Variants in SULT1E1 observed in about 807,000 individuals in gnomAD.
The protein encoded by SULT1E1 is sulfotransferase family 1E member 1, also known as sulfotransferase 1E1.
A neutral mutation model predicts 33.6 loss-of-function variants in SULT1E1; 36 were observed. The observed-to-expected ratio is 1.07, with a 90% CI of 0.82 to 1.41. The LOEUF is 1.41. Ranked by LOEUF, SULT1E1 falls within the 40% of genes most tolerant of loss-of-function variation. The pLI is 0.00. For synonymous variants in SULT1E1, 121 were observed against 111.7 expected (o/e 1.08, Z -0.53); for missense variants, 371 against 345.7 (o/e 1.07, Z -0.58).
At chr4:69,833,259 T>C in the SULT1E1 span, among the ~76,000 whole-genome samples, 2 of 152,200 alleles carry the variant, frequency 1.3e-5, no homozygotes, top group African/African-American at 2.4e-5. Flanking sequence ...TGTAATAATA[T>C]GTAAAATACC....
In SULT1E1 at chr4:69,853,246, A is replaced by G. The variant is rs547123198; in HGVS notation, c.369+971T>C. On this transcript the variant is annotated intron_variant, in intron 4 of 7. Transcript: ENST00000226444. ...TGAAGAACAGAATTGGTGGTCTCAG[A>G]CTTCATGTTTTCTCTGTATTTTGAG... Among the ~76,000 whole-genome samples the G allele has an allele frequency of 2.2e-4, 33 of 152,222 alleles. 1 individual carries two copies. Among genetic ancestry groups the G allele is most frequent in the African/African-American group, 6.7e-4 (28 of 41,544 alleles).
chr4:69,853,360 G>A lies in SULT1E1; in HGVS notation c.369+857C>T, dbSNP rs145603388. Among the ~76,000 whole-genome samples the A allele has an allele frequency of 5.9e-5, 9 of 152,218 alleles. No homozygotes were observed. In the East Asian group the frequency reaches 1.4e-3, roughly 23 times the overall value. ...TATTACTCCTCATTACCATTAAAAT[G>A]TCAGAGTCCAAACATCTTAACTTGA... On this transcript the variant is annotated intron_variant, in intron 4 of 7. Coordinates refer to ENST00000226444, the MANE Select transcript of SULT1E1 (RefSeq NM_005420.3).
At chr4:69,846,305 C>CAAAAA (rs34408656) in intron 6 of SULT1E1, among the ~76,000 whole-genome samples, 33 of 106,830 alleles carry the variant, frequency 3.1e-4, no homozygotes, top group East Asian at 5.1e-4. Flanking sequence ...ACAAAACAAT[C>CAAAAA]AAAAAAAAAA....
At chr4:69,842,160 AG>A in intron 7 of SULT1E1, 54 bp from the exon 8 acceptor site, 1 of 1,037,694 alleles carries the variant, frequency 9.6e-7, no homozygotes, top group Non-Finnish European at 1.5e-6. Context: ...AAGAATCATT[AG>A]GTTTGCTAAT....
At chr4:69,824,538 C>T in the SULT1E1 span, among the ~76,000 whole-genome samples, 2 of 152,130 alleles carry the variant, frequency 1.3e-5, no homozygotes, top group African/African-American at 2.4e-5. Flanking sequence ...GGGATCCAGA[C>T]GCAGCAGAAC....
intron 3 of SULT1E1, 40 bp downstream of exon 3, chr4:69,855,261 A>G (rs1721211364): frequency 1.3e-6 from 2 of 1,589,496 alleles, no homozygotes. Context: ...CACACCTTAG[A>G]ATATATGCAA....
intron 3 of SULT1E1, among the ~76,000 whole-genome samples, chr4:69,854,713 C>A (rs1169955922): frequency 2.0e-5 from 3 of 151,792 alleles, no homozygotes; most frequent in African/African-American, 7.3e-5. Context: ...TGGCAAGCAA[C>A]CTTCTATACA....
chr4:69,853,495 G>T (rs1398766432), intron 4 of SULT1E1, among the ~76,000 whole-genome samples: 1 of 152,044 alleles, frequency 6.6e-6, no homozygotes, highest in Admixed American at 6.6e-5. Flanking sequence ...TGCCCCCTCA[G>T]ATCATCTCTG....
chr4:69,852,287 T>C (rs4149534), intron 4 of SULT1E1, among the ~76,000 whole-genome samples: 33,799 of 152,152 alleles, frequency 0.22, 4,590 homozygotes, highest in Non-Finnish European at 0.31. Flanking sequence ...TATCATTCTG[T>C]GTAATTTTAT....
intron 2 of SULT1E1, among the ~76,000 whole-genome samples, 170 bp from the exon 3 acceptor site, chr4:69,855,596 A>G (rs1374495573): frequency 1.3e-5 from 2 of 152,216 alleles, no homozygotes; most frequent in East Asian, 1.9e-4. Context: ...TATGTTTAGA[A>G]CACAAAAATA....
downstream of SULT1E1, among the ~76,000 whole-genome samples, chr4:69,836,536 T>A (rs1413641761): frequency 6.6e-6 from 1 of 152,198 alleles, no homozygotes; most frequent in Non-Finnish European, 1.5e-5. Context: ...TTATACTGTA[T>A]TCCATCTGGA....
the SULT1E1 span, among the ~76,000 whole-genome samples, chr4:69,829,501 C>T: frequency 3.5e-3 from 534 of 152,328 alleles, 4 homozygotes; most frequent in African/African-American, 0.012. Flanking sequence ...TTTACTCCTG[C>T]TTCCAGGGTC....
At position 69,855,364 on chromosome 4, in the gene SULT1E1, T is replaced by G; in HGVS notation, c.208A>C (p.Lys70Gln). The change falls in exon 3 of 8, where the codon AAA (lysine) becomes CAA (glutamine). Residue 70 changes from lysine to glutamine, a missense_variant. By Grantham distance (53) the Lys-to-Gln change is moderately conservative. Transcript: ENST00000226444. Reference protein sequence around the residue: ...IYKEGDVEKCKEDVIFNRIPF... With the variant: ...IYKEGDVEKCQEDVIFNRIPF... Reference sequence around the variant, plus strand: ...ATTCGATTAAAAATTACATCTTCTTTGCACTTTTCCACATCACCCTCTTTA... The same window carrying G: ...ATTCGATTAAAAATTACATCTTCTTGGCACTTTTCCACATCACCCTCTTTA... 2.5e-6 allele frequency: 4 copies of G among 1,613,338 alleles called. No individual in the cohort carries two copies. Among genetic ancestry groups the G allele is most frequent in the Non-Finnish European group, 2.5e-6 (3 of 1,179,590 alleles).
chr4:69,852,932 C>A (rs1233680431), intron 4 of SULT1E1, among the ~76,000 whole-genome samples: 3 of 152,026 alleles, frequency 2.0e-5, no homozygotes, highest in Non-Finnish European at 2.9e-5. Context: ...ATAATAATGA[C>A]ACATCTCCTG....
At chr4:69,849,916 A>T (rs536893897) in intron 4 of SULT1E1, among the ~76,000 whole-genome samples, 12 of 151,972 alleles carry the variant, frequency 7.9e-5, no homozygotes, top group Non-Finnish European at 1.6e-4. Flanking sequence ...AAATTTAGTG[A>T]TAATATAGCA....
In SULT1E1 at chr4:69,859,604, T is replaced by C. The variant is rs371508007; in HGVS notation, c.-10+445A>G. The stretch of plus-strand genomic sequence containing the variant: ...ATGTCAATGACCTACATATTAATTA[T>C]TTACCAAGGACTTTGGATTTCTGTC... On this transcript the variant is annotated intron_variant, in intron 1 of 7. Transcript: ENST00000226444. Among the ~76,000 whole-genome samples the C allele has an allele frequency of 6.6e-5, 10 of 152,266 alleles. No homozygotes were observed. The South Asian group carries it at 2.1e-3, about 32-fold the overall frequency.
chr4:69,839,273 G>A (rs912696328), downstream of SULT1E1, among the ~76,000 whole-genome samples: 1 of 152,168 alleles, frequency 6.6e-6, no homozygotes, highest in Non-Finnish European at 1.5e-5. Flanking sequence ...CATGCCATTG[G>A]CATCTGGTGA....
the SULT1E1 span, among the ~76,000 whole-genome samples, chr4:69,829,296 T>C: frequency 1.3e-5 from 2 of 152,162 alleles, no homozygotes; most frequent in Non-Finnish European, 2.9e-5. Flanking sequence ...TATGATTCTA[T>C]GCTTATGAAG....
At chr4:69,830,170 T>C in the SULT1E1 span, among the ~76,000 whole-genome samples, 2 of 152,226 alleles carry the variant, frequency 1.3e-5, no homozygotes, top group Admixed American at 6.5e-5. Context: ...CATGTTTGTG[T>C]CCCCTTGCAA....
Sources: allele counts gnomAD v4.1 joint callset (sites outside exome capture counted in the v4.1 genomes callset), GRCh38; gene constraint gnomAD v4.1.1; transcripts MANE v1.5; gene names NCBI Gene and HGNC (gene_info 2026-07-23, HGNC 2026-07-21).